Variants in TMEM242 observed in about 807,000 individuals in gnomAD.
The protein encoded by TMEM242 is transmembrane protein 242.
In TMEM242, 10 loss-of-function variants were observed where a neutral mutation model predicts 18.2. The ratio of observed to expected loss-of-function variants is 0.55; its 90% CI spans 0.34 to 0.93. The LOEUF (loss-of-function observed/expected upper bound fraction) is 0.93, where lower values mean the gene tolerates loss of function less well. Among genes scored for constraint, TMEM242 ranks in the 40% least tolerant of loss-of-function variants. The pLI is 0.02. For missense variants in TMEM242, 186 were observed against 175.5 expected (o/e 1.06, Z -0.34); for synonymous variants, 57 against 69.9 (o/e 0.81, Z 0.92).
intron 3 of TMEM242, among the ~76,000 whole-genome samples, chr6:157,312,844 T>A (rs1778222188): frequency 2.0e-5 from 3 of 152,262 alleles, no homozygotes; most frequent in Admixed American, 1.3e-4. Context: ...CAGTGTGCAC[T>A]CACCTGGCCT....
intron 3 of TMEM242, among the ~76,000 whole-genome samples, chr6:157,293,583 AACTT>A (rs1777712648): frequency 6.6e-6 from 1 of 152,184 alleles, no homozygotes; most frequent in Non-Finnish European, 1.5e-5. Flanking sequence ...AGACAGAAGA[AACTT>A]AGGAGTTTCG....
rs587768690 is a variant in TMEM242, at chr6:157,296,235, A to G, written c.328-3236T>C. Among the ~76,000 whole-genome samples the G allele has an allele frequency of 1.1e-4, 16 of 152,332 alleles. No individual in the cohort carries two copies. In the South Asian group the frequency reaches 2.3e-3, roughly 22 times the overall value. ...GGGTATGCTGGGAACTAGAGTACCCATCCAGCAACTCCGTTTCACTCCCAA... is the reference window on the plus strand; with the variant it reads ...GGGTATGCTGGGAACTAGAGTACCCGTCCAGCAACTCCGTTTCACTCCCAA... On this transcript the variant is annotated intron_variant, in intron 3 of 3. Coordinates refer to ENST00000400788, the MANE Select transcript of TMEM242 (RefSeq NM_018452.6).
At chr6:157,299,679 G>C in intron 3 of TMEM242, 1 of 1,610,600 alleles carries the variant, frequency 6.2e-7, no homozygotes, top group Non-Finnish European at 8.5e-7. Flanking sequence ...ACATTTCGCT[G>C]GACTAAATTA....
chr6:157,312,383 A>T (rs1583568822), intron 3 of TMEM242, among the ~76,000 whole-genome samples: 1 of 136,458 alleles, frequency 7.3e-6, no homozygotes, highest in Non-Finnish European at 1.6e-5. Context: ...ACCTGCCCTC[A>T]TCATAGTACC....
intron 3 of TMEM242, among the ~76,000 whole-genome samples, chr6:157,296,140 T>C (rs1554247169): frequency 6.6e-6 from 1 of 152,210 alleles, no homozygotes. Flanking sequence ...AAAGTAAATG[T>C]ACTGAATTCC....
intron 3 of TMEM242, among the ~76,000 whole-genome samples, chr6:157,309,053 T>A (rs782011336): frequency 2.8e-4 from 43 of 152,164 alleles, no homozygotes; most frequent in Admixed American, 7.2e-4. Flanking sequence ...TACAATAGGG[T>A]TCCCTATAGT....
At position 157,292,077 on chromosome 6, in the gene TMEM242, C is replaced by T. The variant is rs1286505882; in HGVS notation, c.*824G>A. The T allele has an allele frequency of 1.3e-5, 2 of 152,086 alleles. No homozygotes were observed. Among genetic ancestry groups the T allele is most frequent in the Admixed American group, 6.6e-5 (1 of 15,252 alleles). The allele number at this position is 152,086 out of a possible 1,614,324, so 9.4% of individuals were successfully genotyped here. On this transcript the variant is annotated 3_prime_UTR_variant, in exon 4 of 4. Transcript: ENST00000400788. ...TGGTCCCAAATACTTTATATTGGGA[C>T]TCCGTACTCAGGTGACTTTCTGGTT...
chr6:157,290,814 C>G lies in TMEM242; in HGVS notation c.*2087G>C, dbSNP rs1777674691. The G allele has an allele frequency of 6.6e-6, 1 of 152,262 alleles. No individual in the cohort carries two copies. The highest frequency in any genetic ancestry group is 2.4e-5 in the African/African-American group (1 of 41,464). 9.4% of individuals were successfully genotyped at this position (152,262 alleles called of 1,614,324 possible). A position where few individuals can be genotyped will look rare whatever the true frequency, so the allele number is the denominator to read the frequency against. On this transcript the variant is annotated 3_prime_UTR_variant, in exon 4 of 4. Transcript: ENST00000400788. ...TTAGGGAATTTGTCCCTGCCAGCCT[C>G]CCCTCTGCAGGGGATTCATCATCAT...
At chr6:157,315,525 A>G (rs1554250231) in intron 3 of TMEM242, among the ~76,000 whole-genome samples, 1 of 152,128 alleles carries the variant, frequency 6.6e-6, no homozygotes, top group Non-Finnish European at 1.5e-5. Flanking sequence ...TTTTACTTAG[A>G]CATAAAGATG....
chr6:157,306,438 C>A (rs1554247920), intron 3 of TMEM242, among the ~76,000 whole-genome samples: 1 of 152,148 alleles, frequency 6.6e-6, no homozygotes, highest in Non-Finnish European at 1.5e-5. Flanking sequence ...GGAATGGCCA[C>A]CTGGCTTTTC....
chr6:157,311,357 C>G (rs1562382930), intron 3 of TMEM242, among the ~76,000 whole-genome samples: 4 of 139,328 alleles, frequency 2.9e-5, no homozygotes, highest in African/African-American at 1.1e-4. Context: ...TGTGCGCTCA[C>G]CTAGCCTCAT....
intron 3 of TMEM242, among the ~76,000 whole-genome samples, chr6:157,297,343 G>GT (rs1278965672): frequency 6.6e-6 from 1 of 152,164 alleles, no homozygotes; most frequent in Non-Finnish European, 1.5e-5. Context: ...AAAACATTTG[G>GT]TCTAATATAC....
intron 2 of TMEM242, among the ~76,000 whole-genome samples, chr6:157,321,304 G>A (rs932292479): frequency 4.6e-5 from 7 of 152,084 alleles, no homozygotes; most frequent in Admixed American, 2.0e-4. Flanking sequence ...CACCTCGCCC[G>A]GCCTTGTATT....
At chr6:157,311,580 C>T (rs1554248861) in intron 3 of TMEM242, among the ~76,000 whole-genome samples, 1 of 133,538 alleles carries the variant, frequency 7.5e-6, no homozygotes, top group East Asian at 2.4e-4. Context: ...AACATAGTGC[C>T]CTAGTGTCCC....
At chr6:157,319,691 A>G (rs1020704030) in intron 2 of TMEM242, among the ~76,000 whole-genome samples, 1 of 152,216 alleles carries the variant, frequency 6.6e-6, no homozygotes, top group Non-Finnish European at 1.5e-5. Flanking sequence ...GCAGTCCCCA[A>G]CTGAAAAGTT....
At chr6:157,310,544 G>A (rs797024716) in intron 3 of TMEM242, among the ~76,000 whole-genome samples, 1 of 16,430 alleles carries the variant, frequency 6.1e-5, no homozygotes, top group Non-Finnish European at 1.5e-4. Flanking sequence ...ATCCCAGTGT[G>A]CGCTCACCTA....
chr6:157,314,294 G>A (rs1554250094), intron 3 of TMEM242, among the ~76,000 whole-genome samples: 2 of 145,126 alleles, frequency 1.4e-5, no homozygotes, highest in Non-Finnish European at 3.1e-5. Context: ...TAGTGTCGCA[G>A]TGTGCACTCA....
intron 3 of TMEM242, among the ~76,000 whole-genome samples, chr6:157,312,190 G>T (rs1778162672): frequency 6.8e-6 from 1 of 147,620 alleles, no homozygotes; most frequent in South Asian, 2.2e-4. Context: ...TCATCATAGT[G>T]TCCCAGTGTG....
chr6:157,306,902 T>C (rs1287578088), intron 3 of TMEM242, among the ~76,000 whole-genome samples: 2 of 152,206 alleles, frequency 1.3e-5, no homozygotes, highest in Admixed American at 6.5e-5. Flanking sequence ...ACAATTTACA[T>C]AGTGGAAAAA....
Sources: allele counts gnomAD v4.1 joint callset (sites outside exome capture counted in the v4.1 genomes callset), GRCh38; gene constraint gnomAD v4.1.1; transcripts MANE v1.5; gene names NCBI Gene and HGNC (gene_info 2026-07-23, HGNC 2026-07-21).